The following TENM2 variants were observed in gnomAD, a reference collection of about 807,000 sequenced individuals.
TENM2 encodes teneurin-2.
TENM2 carries 52 observed loss-of-function variants against 245.2 expected under a neutral mutation model. That is an observed-to-expected ratio of 0.21 (90% CI 0.17 to 0.27). TENM2 has a LOEUF of 0.27. Among genes scored for constraint, TENM2 ranks in the 10% least tolerant of loss-of-function variants. The pLI is 1.00. For missense variants in TENM2, 3,046 were observed against 3,666.8 expected (o/e 0.83, Z 4.37); for synonymous variants, 1,363 against 1,438.9 (o/e 0.95, Z 1.19).
At chr5:167,539,716 T>C (rs1302410512) in intron 2 of TENM2, among the ~76,000 whole-genome samples, 1 of 152,196 alleles carries the variant, frequency 6.6e-6, no homozygotes, top group Non-Finnish European at 1.5e-5. Context: ...TTGAGTGCTT[T>C]CTTCCATATG....
intron 1 of TENM2, among the ~76,000 whole-genome samples, chr5:167,298,048 G>A (rs889712141): frequency 4.6e-5 from 7 of 152,060 alleles, no homozygotes; most frequent in African/African-American, 1.7e-4. Context: ...TGACATTCCT[G>A]TCTTCTTATA....
At chr5:167,787,807 G>T (rs972799627) in intron 2 of TENM2, among the ~76,000 whole-genome samples, 3 of 152,140 alleles carry the variant, frequency 2.0e-5, no homozygotes, top group Admixed American at 2.0e-4. Flanking sequence ...TGAGTGAGTT[G>T]CCCCGCTAAA....
intron 2 of TENM2, among the ~76,000 whole-genome samples, chr5:167,832,926 T>C (rs995102240): frequency 3.9e-5 from 6 of 152,118 alleles, no homozygotes; most frequent in South Asian, 2.1e-4. Context: ...ATCAGGGCTT[T>C]TTTTTCCTGC....
Position 168,067,087 on chromosome 5 carries a change from T to G in TENM2, c.1515+4822T>G, listed in dbSNP as rs536132913. ...GGAGACAACAAGATGCAGTTACCAC[T>G]TGGGAGCCCTGCTGGGACTTCACCT... On this transcript the variant is annotated intron_variant, in intron 7 of 28. Coordinates refer to ENST00000518659, the Ensembl canonical transcript of TENM2. Among the ~76,000 whole-genome samples the G allele has an allele frequency of 6.6e-4, 100 of 152,328 alleles. 1 individual carries two copies. The highest frequency in any genetic ancestry group is 2.3e-3 in the African/African-American group (95 of 41,576).
At chr5:168,098,109 G>A in exon 9 of TENM2, 1 of 1,613,330 alleles carries the variant, frequency 6.2e-7, no homozygotes. Context: ...AGGATTTCTA[G>A]GAGCAGACTG....
intron 1 of TENM2, among the ~76,000 whole-genome samples, chr5:167,358,921 G>A (rs1205344650): frequency 6.6e-6 from 1 of 151,264 alleles, no homozygotes; most frequent in South Asian, 2.1e-4. Context: ...ATCCAAAAAT[G>A]ATGTCACTTC....
At chr5:167,398,427 T>C (rs966609539) in intron 2 of TENM2, among the ~76,000 whole-genome samples, 3 of 150,388 alleles carry the variant, frequency 2.0e-5, no homozygotes, top group Non-Finnish European at 3.0e-5. Flanking sequence ...TCTCTCTCTT[T>C]CTTACTATTT....
At chr5:168,260,194 C>T (rs1180577484) in intron 27 of TENM2, 89 bp from the exon 30 acceptor site, 5 of 1,453,602 alleles carry the variant, frequency 3.4e-6, no homozygotes, top group Non-Finnish European at 4.8e-6. Context: ...CACCCAACCA[C>T]CCATTTTATT....
At chr5:167,474,567 G>A (rs1290224240) in intron 2 of TENM2, among the ~76,000 whole-genome samples, 1 of 151,438 alleles carries the variant, frequency 6.6e-6, no homozygotes, top group African/African-American at 2.4e-5. Context: ...AGGCTGGAGT[G>A]CAGTGGCGTG....
At chr5:167,627,723 A>C (rs2127784275) in intron 2 of TENM2, among the ~76,000 whole-genome samples, 1 of 151,994 alleles carries the variant, frequency 6.6e-6, no homozygotes, top group African/African-American at 2.4e-5. Context: ...ATGCCAGGCT[A>C]ATTTTTGTAT....
the TENM2 span, among the ~76,000 whole-genome samples, chr5:166,995,129 G>A: frequency 1.3e-5 from 2 of 152,082 alleles, no homozygotes; most frequent in Non-Finnish European, 2.9e-5. Context: ...GTATGTGCTT[G>A]ATAAATATCT....
chr5:167,425,771 T>G (rs1763777385), intron 2 of TENM2, among the ~76,000 whole-genome samples: 1 of 152,142 alleles, frequency 6.6e-6, no homozygotes, highest in Non-Finnish European at 1.5e-5. Context: ...CTGATGATGA[T>G]GATGATGGTG....
chr5:167,886,089 C>G (rs1774266853), intron 3 of TENM2, among the ~76,000 whole-genome samples: 1 of 152,130 alleles, frequency 6.6e-6, no homozygotes, highest in African/African-American at 2.4e-5. Context: ...ACAGTGTGCT[C>G]CTGCCTGGTG....
chr5:167,909,855 A>AG (rs1776412688), intron 3 of TENM2, among the ~76,000 whole-genome samples: 1 of 151,934 alleles, frequency 6.6e-6, no homozygotes, highest in African/African-American at 2.4e-5. Flanking sequence ...TCATGTGTTT[A>AG]GGGAGAAATT....
At chr5:167,838,091 A>G (rs1769167809) in intron 2 of TENM2, among the ~76,000 whole-genome samples, 1 of 152,144 alleles carries the variant, frequency 6.6e-6, no homozygotes, top group Non-Finnish European at 1.5e-5. Flanking sequence ...ACAGCAATTC[A>G]CTCCACACAA....
intron 2 of TENM2, among the ~76,000 whole-genome samples, chr5:167,435,530 A>C (rs1764494575): frequency 6.6e-6 from 1 of 152,286 alleles, no homozygotes; most frequent in African/African-American, 2.4e-5. Flanking sequence ...TTTCTTTTGT[A>C]AATTACCCAC....
intron 2 of TENM2, among the ~76,000 whole-genome samples, chr5:167,862,241 ATGTGTGTGTGTG>A (rs138403142): frequency 6.7e-6 from 1 of 148,430 alleles, no homozygotes; most frequent in Admixed American, 6.7e-5. Flanking sequence ...AATTTAGAGT[ATGTGTGTGTGTG>A]TGTGTGTGTG....
chr5:167,146,931 T>G, the TENM2 span, among the ~76,000 whole-genome samples: 8 of 152,154 alleles, frequency 5.3e-5, no homozygotes, highest in Admixed American at 3.9e-4. Flanking sequence ...TTTAGGACAC[T>G]AGATGGTACA....
At chr5:167,726,916 T>C (rs996314252) in intron 2 of TENM2, among the ~76,000 whole-genome samples, 4 of 152,248 alleles carry the variant, frequency 2.6e-5, no homozygotes, top group Middle Eastern at 3.4e-3. Flanking sequence ...TTGCTTTGAA[T>C]TTCTATTGTT....
Sources: allele counts gnomAD v4.1 joint callset (sites outside exome capture counted in the v4.1 genomes callset), GRCh38; gene constraint gnomAD v4.1.1; transcripts MANE v1.5; gene names NCBI Gene and HGNC (gene_info 2026-07-23, HGNC 2026-07-21).